The following CWC27 variants were observed in gnomAD, a reference collection of about 807,000 sequenced individuals.
CWC27 encodes the protein CWC27 spliceosome associated cyclophilin.
CWC27 carries 47 observed loss-of-function variants against 63.6 expected under a neutral mutation model. That is an observed-to-expected ratio of 0.74 (90% CI 0.58 to 0.94). The LOEUF (loss-of-function observed/expected upper bound fraction) is 0.94. Among genes scored for constraint, CWC27 ranks in the 40% least tolerant of loss-of-function variants. The pLI is 0.00. For missense variants in CWC27, 495 were observed against 554.3 expected (o/e 0.89, Z 1.07); for synonymous variants, 175 against 179.8 (o/e 0.97, Z 0.22).
chr5:64,801,165 G>T, intron 8 of CWC27, 137 bp from the exon 9 acceptor site: 3 of 776,448 alleles, frequency 3.9e-6, no homozygotes, highest in Non-Finnish European at 5.7e-6. Flanking sequence ...GTTCTATAAT[G>T]CCTTTCTTAA....
rs115346706 is a variant in CWC27 at position 64,834,475 on chromosome 5, A to G, written c.938+30089A>G. 2.3e-3 allele frequency among the ~76,000 whole-genome samples: 344 copies of G among 151,812 alleles called. 1 individual carries two copies. Among genetic ancestry groups the G allele is most frequent in the African/African-American group, 7.9e-3 (327 of 41,504 alleles). On this transcript the variant is annotated intron_variant, in intron 10 of 13. Transcript: ENST00000381070. ...ATTTTGTTTTAACCTCATGTTTATA[A>G]TTTAGTTTTTGGAGTCCTATGAAAC...
At position 64,891,621 on chromosome 5, in the gene CWC27, C is replaced by T. The variant is rs543309527; in HGVS notation, c.1042+6075C>T. Among the ~76,000 whole-genome samples the T allele has an allele frequency of 9.2e-5, 14 of 152,170 alleles. No homozygotes were observed. The East Asian group carries it at 2.3e-3, about 25-fold the overall frequency. Reference sequence around the variant, plus strand: ...AAACTTTCTTCCAAGTCATAATTAGCGAATCTTGTTGAGCTTTACTTTGTG... The same window carrying T: ...AAACTTTCTTCCAAGTCATAATTAGTGAATCTTGTTGAGCTTTACTTTGTG... On this transcript the variant is annotated intron_variant, in intron 11 of 13. Transcript: ENST00000381070.
At chr5:64,905,019 G>A (rs2112369012) in intron 11 of CWC27, among the ~76,000 whole-genome samples, 1 of 152,046 alleles carries the variant, frequency 6.6e-6, no homozygotes, top group Middle Eastern at 3.4e-3. Context: ...TGGCCAACAT[G>A]GTGAAACCCC....
intron 7 of CWC27, among the ~76,000 whole-genome samples, chr5:64,799,571 TG>T (rs1410191685): frequency 2.0e-5 from 3 of 150,500 alleles, no homozygotes; most frequent in African/African-American, 7.3e-5. Context: ...GGTGACAGAG[TG>T]AGACTCCATC....
At chr5:64,931,563 T>C (rs1426076746) in intron 11 of CWC27, among the ~76,000 whole-genome samples, 1 of 151,950 alleles carries the variant, frequency 6.6e-6, no homozygotes, top group Non-Finnish European at 1.5e-5. Context: ...AATCTTAATT[T>C]TTTTTACATT....
chr5:64,885,433 T>C lies in CWC27; in HGVS notation c.939-10T>C. On this transcript the variant is annotated splice_polypyrimidine_tract_variant and intron_variant, in intron 10 of 13. Coordinates refer to ENST00000381070, the MANE Select transcript of CWC27 (RefSeq NM_005869.4). ...TATTATATACTTATATAACTCTTTT[T>C]GCTTTATAGTGAAGAGCTCAGAAAA... 1 of 1,576,912 alleles carries C rather than the reference T, an allele frequency of 6.3e-7. No individual in the cohort carries two copies. The highest frequency in any genetic ancestry group is 8.6e-7 in the Non-Finnish European group (1 of 1,159,692).
chr5:64,852,296 A>G (rs948398679), intron 10 of CWC27, among the ~76,000 whole-genome samples: 18 of 152,212 alleles, frequency 1.2e-4, no homozygotes, highest in African/African-American at 4.3e-4. Flanking sequence ...CTGAATGGCT[A>G]AAATCTCCAG....
chr5:64,931,990 C>A (rs1055984057), intron 11 of CWC27, among the ~76,000 whole-genome samples: 6 of 152,052 alleles, frequency 3.9e-5, no homozygotes, highest in African/African-American at 1.4e-4. Flanking sequence ...TCTGTGTACA[C>A]AAACAAGAGT....
intron 12 of CWC27, among the ~76,000 whole-genome samples, chr5:64,972,230 A>G (rs1182778721): frequency 2.6e-5 from 4 of 152,214 alleles, no homozygotes; most frequent in Non-Finnish European, 5.9e-5. Context: ...CTGTCTGGAA[A>G]TAAGTCATTT....
At chr5:64,884,516 A>T (rs11738479) in intron 10 of CWC27, among the ~76,000 whole-genome samples, 4 of 152,050 alleles carry the variant, frequency 2.6e-5, no homozygotes, top group Admixed American at 6.5e-5. Context: ...GTAATTATCT[A>T]GACTTCAGAT....
chr5:64,919,321 T>C (rs1315882485), intron 11 of CWC27, among the ~76,000 whole-genome samples: 1 of 152,254 alleles, frequency 6.6e-6, no homozygotes, highest in Non-Finnish European at 1.5e-5. Flanking sequence ...GTTTACTTCT[T>C]AACTTTGTAC....
intron 13 of CWC27, among the ~76,000 whole-genome samples, chr5:64,978,428 T>C (rs1749270519): frequency 2.0e-5 from 3 of 152,216 alleles, no homozygotes; most frequent in South Asian, 2.1e-4. Context: ...ATTACTTATA[T>C]AGATTTGTTT....
intron 11 of CWC27, among the ~76,000 whole-genome samples, chr5:64,898,739 T>A (rs905725054): frequency 2.6e-5 from 4 of 152,214 alleles, no homozygotes; most frequent in African/African-American, 9.6e-5. Flanking sequence ...ATTTCTCTCA[T>A]GCAGAACAAT....
intron 13 of CWC27, among the ~76,000 whole-genome samples, chr5:64,981,930 A>AT (rs1415880002): frequency 1.3e-5 from 2 of 152,072 alleles, no homozygotes; most frequent in Non-Finnish European, 1.5e-5. Flanking sequence ...CTGGATATGG[A>AT]TTTTTTTCAG....
intron 13 of CWC27, among the ~76,000 whole-genome samples, chr5:64,995,187 G>A (rs1749610303): frequency 6.6e-6 from 1 of 151,994 alleles, no homozygotes; most frequent in Non-Finnish European, 1.5e-5. Context: ...GGCCAGGCTG[G>A]TCTCAAACTC....
chr5:65,006,175 A>G (rs914876228), intron 13 of CWC27, among the ~76,000 whole-genome samples: 1 of 152,222 alleles, frequency 6.6e-6, no homozygotes, highest in Non-Finnish European at 1.5e-5. Flanking sequence ...AATAGCTGCA[A>G]AAGTACCTGT....
chr5:64,944,292 T>A (rs1365182335), intron 11 of CWC27, among the ~76,000 whole-genome samples: 2 of 152,254 alleles, frequency 1.3e-5, no homozygotes, highest in East Asian at 3.9e-4. Flanking sequence ...GCTTGTCATC[T>A]CCAATTCCCC....
At chr5:65,015,711 G>C (rs1750037803) in intron 13 of CWC27, among the ~76,000 whole-genome samples, 2 of 152,074 alleles carry the variant, frequency 1.3e-5, no homozygotes, top group African/African-American at 4.8e-5. Context: ...TCAATGACTG[G>C]AGAAAAAAAG....
At chr5:64,798,878 T>A (rs1373526877) in intron 7 of CWC27, among the ~76,000 whole-genome samples, 2 of 152,194 alleles carry the variant, frequency 1.3e-5, no homozygotes, top group African/African-American at 4.8e-5. Context: ...TCAACTCTAA[T>A]CTCTTAACTA....
Sources: allele counts gnomAD v4.1 joint callset (sites outside exome capture counted in the v4.1 genomes callset), GRCh38; gene constraint gnomAD v4.1.1; transcripts MANE v1.5; gene names NCBI Gene and HGNC (gene_info 2026-07-23, HGNC 2026-07-21).